The following PHKB variants were observed in gnomAD, a reference collection of about 807,000 sequenced individuals.
The protein encoded by PHKB is phosphorylase kinase regulatory subunit beta.
In PHKB, 122 loss-of-function variants were observed where a neutral mutation model predicts 152.1. That is an observed-to-expected ratio of 0.80 (90% CI 0.69 to 0.93). PHKB has a LOEUF of 0.93. Among genes scored for constraint, PHKB ranks in the 40% least tolerant of loss-of-function variants. PHKB has a pLI of 0.00. For synonymous variants in PHKB, 436 were observed against 464.9 expected (o/e 0.94, Z 0.80); for missense variants, 1,304 against 1,328.4 (o/e 0.98, Z 0.29).
intron 7 of PHKB, among the ~76,000 whole-genome samples, chr16:47,572,271 G>A (rs1222345863): frequency 6.6e-6 from 1 of 152,160 alleles, no homozygotes; most frequent in Non-Finnish European, 1.5e-5. Context: ...TCAAAGGCTA[G>A]AGAATACCCT....
At chr16:47,475,537 G>A (rs1222672559) in intron 1 of PHKB, among the ~76,000 whole-genome samples, 3 of 152,212 alleles carry the variant, frequency 2.0e-5, no homozygotes, top group African/African-American at 4.8e-5. Flanking sequence ...GATTTGATTA[G>A]GGGACTTCAT....
chr16:47,492,444 G>C (rs1655413571), intron 1 of PHKB, among the ~76,000 whole-genome samples: 1 of 152,210 alleles, frequency 6.6e-6, no homozygotes, highest in Non-Finnish European at 1.5e-5. Context: ...GAAAAAACCA[G>C]TTTAAAATGC....
At chr16:47,546,753 TG>T (rs1276638990) in intron 6 of PHKB, among the ~76,000 whole-genome samples, 1 of 152,114 alleles carries the variant, frequency 6.6e-6, no homozygotes, top group African/African-American at 2.4e-5. Context: ...TGAGCTGTGG[TG>T]GGCTCCACCT....
At chr16:47,490,664 C>T (rs1298666802) in intron 1 of PHKB, among the ~76,000 whole-genome samples, 1 of 152,186 alleles carries the variant, frequency 6.6e-6, no homozygotes, top group Non-Finnish European at 1.5e-5. Flanking sequence ...AGAGGATTAA[C>T]ACACTTGATG....
intron 14 of PHKB, among the ~76,000 whole-genome samples, chr16:47,611,127 C>T (rs1182780980): frequency 6.6e-6 from 1 of 152,164 alleles, no homozygotes; most frequent in Non-Finnish European, 1.5e-5. Context: ...AAGTGCCTTG[C>T]AGGTAAACAT....
rs558243831 is a variant in PHKB, at chr16:47,549,003, G to C, written c.710+1455G>C. Among the ~76,000 whole-genome samples the C allele has an allele frequency of 2.0e-5, 3 of 152,100 alleles. 1 individual carries two copies. Among genetic ancestry groups the C allele is most frequent in the African/African-American group, 7.2e-5 (3 of 41,428 alleles). On this transcript the variant is annotated intron_variant, in intron 7 of 30. Coordinates refer to ENST00000323584, the MANE Select transcript of PHKB (RefSeq NM_000293.3). ...ACTTTCAGATTAATCCTTAACTGAC[G>C]TGGAAACCTTTTTCTTTAGGTTTTG...
intron 7 of PHKB, among the ~76,000 whole-genome samples, chr16:47,552,062 TG>T (rs1474613692): frequency 6.6e-6 from 1 of 152,216 alleles, no homozygotes; most frequent in Non-Finnish European, 1.5e-5. Flanking sequence ...TCTTTCCATT[TG>T]CTTGGTAAAT....
At chr16:47,526,280 G>A (rs968286525) in intron 6 of PHKB, among the ~76,000 whole-genome samples, 3 of 152,008 alleles carry the variant, frequency 2.0e-5, no homozygotes, top group Non-Finnish European at 4.4e-5. Flanking sequence ...ATGGTGGCGG[G>A]CACCTGTAAT....
intron 23 of PHKB, among the ~76,000 whole-genome samples, chr16:47,662,415 G>C (rs1327801167): frequency 6.6e-6 from 1 of 152,122 alleles, no homozygotes; most frequent in Non-Finnish European, 1.5e-5. Context: ...GAATAATACA[G>C]AATACAGTTC....
chr16:47,501,892 T>G (rs1359867710), intron 3 of PHKB, among the ~76,000 whole-genome samples: 2 of 152,174 alleles, frequency 1.3e-5, no homozygotes, highest in African/African-American at 4.8e-5. Flanking sequence ...AGAATATGCC[T>G]CTATTAAAAC....
intron 6 of PHKB, among the ~76,000 whole-genome samples, chr16:47,539,054 G>A (rs1373697640): frequency 2.6e-5 from 4 of 152,192 alleles, no homozygotes; most frequent in Non-Finnish European, 5.9e-5. Context: ...ATCAGAACCT[G>A]TAGCCCACAT....
intron 7 of PHKB, among the ~76,000 whole-genome samples, chr16:47,577,166 G>C (rs976698612): frequency 7.2e-5 from 11 of 151,866 alleles, no homozygotes; most frequent in Admixed American, 2.0e-4. Context: ...TTTATCAATA[G>C]TGGTTTTGAT....
intron 7 of PHKB, among the ~76,000 whole-genome samples, chr16:47,563,261 A>C (rs185362803): frequency 1.3e-5 from 2 of 150,914 alleles, no homozygotes; most frequent in East Asian, 3.9e-4. Flanking sequence ...CCTGATTTTC[A>C]GTTTACTTTG....
At chr16:47,569,949 C>T (rs1971631023) in intron 7 of PHKB, among the ~76,000 whole-genome samples, 1 of 152,158 alleles carries the variant, frequency 6.6e-6, no homozygotes, top group African/African-American at 2.4e-5. Context: ...ATGTTTAGAA[C>T]TCCATTGAGC....
At chr16:47,602,061 C>A (rs1972237804) in intron 13 of PHKB, among the ~76,000 whole-genome samples, 1 of 152,054 alleles carries the variant, frequency 6.6e-6, no homozygotes, top group South Asian at 2.1e-4. Flanking sequence ...AATCTCACAA[C>A]AGAATTTTTT....
rs1179817330 is a variant in PHKB, at chr16:47,701,227, A to AT, written c.*1866dup. The AT allele has an allele frequency of 6.6e-6, 1 of 152,192 alleles. No individual in the cohort carries two copies. The highest frequency in any genetic ancestry group is 1.5e-5 in the Non-Finnish European group (1 of 68,028). 9.4% of individuals were successfully genotyped at this position (152,192 alleles called of 1,614,324 possible). A position where few individuals can be genotyped will look rare whatever the true frequency, so the allele number is the denominator to read the frequency against. On this transcript the variant is annotated 3_prime_UTR_variant, in exon 31 of 31. Coordinates refer to ENST00000323584, the MANE Select transcript of PHKB (RefSeq NM_000293.3). The stretch of plus-strand genomic sequence containing the variant: ...AGACTTAAAATTTTTGTTTGCCGAA[A>AT]TTTTTACGAAAGTAAACTGTGTTGT...
At chr16:47,693,147 AC>A (rs1974091320) in intron 27 of PHKB, among the ~76,000 whole-genome samples, 1 of 152,214 alleles carries the variant, frequency 6.6e-6, no homozygotes, top group Non-Finnish European at 1.5e-5. Context: ...TTACAGGATA[AC>A]ATTTTGTCTG....
At chr16:47,632,512 T>C (rs1352504107) in intron 14 of PHKB, among the ~76,000 whole-genome samples, 1 of 152,184 alleles carries the variant, frequency 6.6e-6, no homozygotes, top group Non-Finnish European at 1.5e-5. Context: ...GAAAATAATA[T>C]ATATTTGCAT....
At position 47,589,075 on chromosome 16, in the gene PHKB, A is replaced by T; in HGVS notation, c.1041A>T (p.Arg347Ser). Residue 347 changes from arginine to serine, a missense_variant, in exon 10 of 31, where the codon AGA (arginine) becomes AGT (serine). Arg to Ser is a moderately radical substitution (Grantham distance 110). Coordinates refer to ENST00000323584, the MANE Select transcript of PHKB (RefSeq NM_000293.3). ...GYRTSLEDPNRCYYKPAEIKL... is the reference protein window; with the variant it reads ...GYRTSLEDPNSCYYKPAEIKL... ...GAACATCATTGGAAGATCCCAACAG[A>T]TGCTACTACAAGCCAGCTGAAATTA... The T allele has an allele frequency of 1.2e-6, 2 of 1,612,814 alleles. No individual in the cohort carries two copies. The highest frequency in any genetic ancestry group is 1.7e-6 in the Non-Finnish European group (2 of 1,178,872).
Sources: allele counts gnomAD v4.1 joint callset (sites outside exome capture counted in the v4.1 genomes callset), GRCh38; gene constraint gnomAD v4.1.1; transcripts MANE v1.5; gene names NCBI Gene and HGNC (gene_info 2026-07-23, HGNC 2026-07-21).